Variants in KLF17 observed in about 807,000 individuals in gnomAD.
The protein encoded by KLF17 is KLF transcription factor 17.
In KLF17, 31 loss-of-function variants were observed where a neutral mutation model predicts 34.2. The ratio of observed to expected loss-of-function variants is 0.91; its 90% CI spans 0.68 to 1.22. KLF17 has a LOEUF of 1.22. Among genes scored for constraint, KLF17 ranks in the 50% most tolerant of loss-of-function variants. The probability of loss-of-function intolerance (pLI) is 0.00; values close to 1 mark genes in which losing one functional copy is unlikely to be tolerated. For synonymous variants in KLF17, 179 were observed against 186.7 expected (o/e 0.96, Z 0.34); for missense variants, 478 against 505.2 (o/e 0.95, Z 0.52).
chr1:44,127,821 ATTG>A (rs1471522914), intron 1 of KLF17, among the ~76,000 whole-genome samples: 2 of 30,772 alleles, frequency 6.5e-5, no homozygotes, highest in Non-Finnish European at 1.5e-4. Flanking sequence ...CTTGTGTTTG[ATTG>A]TTGTTACGTT....
intron 1 of KLF17, among the ~76,000 whole-genome samples, chr1:44,121,679 T>A (rs1403381956): frequency 6.6e-6 from 1 of 152,254 alleles, no homozygotes; most frequent in Non-Finnish European, 1.5e-5. Context: ...TTTAGCTTTA[T>A]CTTCTATCAC....
At chr1:44,127,511 T>C (rs1415089853) in intron 1 of KLF17, among the ~76,000 whole-genome samples, 1 of 151,554 alleles carries the variant, frequency 6.6e-6, no homozygotes, top group African/African-American at 2.4e-5. Flanking sequence ...ACTTCCTTCC[T>C]TCCTTCCCTC....
chr1:44,085,807 CAAAA>C, the KLF17 span, among the ~76,000 whole-genome samples: 774 of 63,546 alleles, frequency 0.012, 1 homozygote, highest in African/African-American at 0.047. Flanking sequence ...TCTGTCTCAA[CAAAA>C]AAAAAAAAAA....
the KLF17 span, among the ~76,000 whole-genome samples, chr1:44,113,292 T>C: frequency 6.6e-6 from 1 of 151,830 alleles, no homozygotes; most frequent in Non-Finnish European, 1.5e-5. Flanking sequence ...GACCACACTT[T>C]GAGTAGCACC....
At chr1:44,077,638 A>G in the KLF17 span, among the ~76,000 whole-genome samples, 1 of 152,094 alleles carries the variant, frequency 6.6e-6, no homozygotes, top group Non-Finnish European at 1.5e-5. Flanking sequence ...GATGCTGACT[A>G]TTGTTTGGGG....
chr1:44,121,841 G>A (rs1298729143), intron 1 of KLF17, among the ~76,000 whole-genome samples: 3 of 152,158 alleles, frequency 2.0e-5, no homozygotes, highest in Non-Finnish European at 4.4e-5. Context: ...TTAAGGTAGC[G>A]AAAAGCCTCA....
At chr1:44,102,602 ACACACAC>A in the KLF17 span, among the ~76,000 whole-genome samples, 8 of 128,400 alleles carry the variant, frequency 6.2e-5, no homozygotes, top group Admixed American at 1.6e-4. Context: ...ACACACACAC[ACACACAC>A]ACACAGAAAA....
At chr1:44,126,401 C>T (rs1044504973) in intron 1 of KLF17, among the ~76,000 whole-genome samples, 1 of 152,328 alleles carries the variant, frequency 6.6e-6, no homozygotes, top group Non-Finnish European at 1.5e-5. Flanking sequence ...GGGTGTGTAT[C>T]GGTAGCTACT....
At chr1:44,103,317 G>A in the KLF17 span, 1 of 731,212 alleles carries the variant, frequency 1.4e-6, no homozygotes, top group Non-Finnish European at 2.5e-6. Context: ...CACTTGGGCA[G>A]GACGTCAAAG....
At chr1:44,048,931 G>A in the KLF17 span, among the ~76,000 whole-genome samples, 2 of 152,178 alleles carry the variant, frequency 1.3e-5, no homozygotes, top group African/African-American at 4.8e-5. Context: ...AGCTTAATGC[G>A]TCACCACAAC....
At chr1:44,047,008 C>G in the KLF17 span, among the ~76,000 whole-genome samples, 1 of 107,786 alleles carries the variant, frequency 9.3e-6, no homozygotes, top group East Asian at 3.0e-4. Context: ...GCCTAGACAA[C>G]AGAGCAAGAC....
At chr1:44,079,584 G>A in the KLF17 span, among the ~76,000 whole-genome samples, 2 of 151,938 alleles carry the variant, frequency 1.3e-5, no homozygotes, top group Non-Finnish European at 2.9e-5. Context: ...ATTACAAGAC[G>A]TGAGCCACCA....
the KLF17 span, among the ~76,000 whole-genome samples, chr1:44,107,853 T>C: frequency 3.3e-5 from 5 of 152,218 alleles, no homozygotes; most frequent in South Asian, 2.1e-4. Flanking sequence ...AACTTTATCA[T>C]AGGTATGTAC....
chr1:44,099,538 GGGAGGCCAAGGCAGGTGAATCAGGAGTCA>G, the KLF17 span, among the ~76,000 whole-genome samples: 16 of 151,906 alleles, frequency 1.1e-4, no homozygotes, highest in Admixed American at 5.3e-4. Context: ...CCAGCACTTT[GGGAGGCCAAGGCAGGTGAATCAGGAGTCA>G]GGAGGCCAAG....
intron 1 of KLF17, among the ~76,000 whole-genome samples, chr1:44,126,702 T>A (rs1367712145): frequency 6.6e-6 from 1 of 152,072 alleles, no homozygotes; most frequent in East Asian, 1.9e-4. Flanking sequence ...CTTTTCCCAG[T>A]CTTGGAGTCA....
chr1:44,089,012 T>A, the KLF17 span, among the ~76,000 whole-genome samples: 1 of 152,040 alleles, frequency 6.6e-6, no homozygotes, highest in African/African-American at 2.4e-5. Flanking sequence ...AGAAGGAATA[T>A]CTCTACTGAA....
At chr1:44,107,698 C>T in the KLF17 span, among the ~76,000 whole-genome samples, 141 of 152,090 alleles carry the variant, frequency 9.3e-4, 2 homozygotes, top group South Asian at 1.2e-3. Context: ...TCAACTGTTG[C>T]GGTATCACAG....
rs2088136259 is a variant in KLF17, at chr1:44,133,559, G to A, written c.*322G>A. ...CTATGGCATGGACAGTAAGGATTCAGAAGTGCATGAAGGCACCCTGCCTCT... is the reference window on the plus strand; with the variant it reads ...CTATGGCATGGACAGTAAGGATTCAAAAGTGCATGAAGGCACCCTGCCTCT... On this transcript the variant is annotated 3_prime_UTR_variant, in exon 4 of 4. Coordinates refer to ENST00000372299, the MANE Select transcript of KLF17 (RefSeq NM_173484.4). 1 of 152,262 alleles carries A rather than the reference G, an allele frequency of 6.6e-6. No homozygotes were observed. Among genetic ancestry groups the A allele is most frequent in the East Asian group, 1.9e-4 (1 of 5,194 alleles). 9.4% of individuals were successfully genotyped at this position (152,262 alleles called of 1,614,324 possible). A position where few individuals can be genotyped will look rare whatever the true frequency, so the allele number is the denominator to read the frequency against.
the KLF17 span, among the ~76,000 whole-genome samples, chr1:44,052,623 C>T: frequency 1.3e-5 from 2 of 152,170 alleles, no homozygotes; most frequent in Admixed American, 1.3e-4. Context: ...TTTTATAACA[C>T]CTTGCTGTCT....
Sources: allele counts gnomAD v4.1 joint callset (sites outside exome capture counted in the v4.1 genomes callset), GRCh38; gene constraint gnomAD v4.1.1; transcripts MANE v1.5; gene names NCBI Gene and HGNC (gene_info 2026-07-23, HGNC 2026-07-21).